ATP8A2: variants seen among roughly 807,000 people sequenced by gnomAD.
The protein encoded by ATP8A2 is ATPase phospholipid transporting 8A2.
Under a neutral mutation model 165.6 loss-of-function variants are expected in ATP8A2, and 100 were observed. That is an observed-to-expected ratio of 0.60 (90% CI 0.51 to 0.71). ATP8A2 has a LOEUF of 0.71. ATP8A2 is among the 30% of genes least tolerant of loss of function. The probability of loss-of-function intolerance (pLI) is 0.00; values close to 1 mark genes in which losing one functional copy is unlikely to be tolerated. For missense variants in ATP8A2, 1,227 were observed against 1,479.5 expected (o/e 0.83, Z 2.80); for synonymous variants, 543 against 548.8 (o/e 0.99, Z 0.15).
intron 1 of ATP8A2, among the ~76,000 whole-genome samples, chr13:25,451,369 G>C (rs578093692): frequency 2.0e-5 from 3 of 152,080 alleles, no homozygotes; most frequent in Admixed American, 2.0e-4. Flanking sequence ...AAGAGAGTGC[G>C]ATCCTAGCAC....
chr13:25,447,164 T>C (rs2035091742), intron 1 of ATP8A2, among the ~76,000 whole-genome samples: 1 of 152,210 alleles, frequency 6.6e-6, no homozygotes, highest in East Asian at 1.9e-4. Context: ...CTCAGTAAAA[T>C]AGCAGAGATA....
chr13:25,587,837 T>C (rs931973529), intron 23 of ATP8A2, among the ~76,000 whole-genome samples: 3 of 152,228 alleles, frequency 2.0e-5, no homozygotes, highest in African/African-American at 7.2e-5. Context: ...TTGATTATTC[T>C]AGTCCTACCA....
chr13:26,006,939 A>T (rs1288364211), intron 35 of ATP8A2, among the ~76,000 whole-genome samples: 2 of 151,654 alleles, frequency 1.3e-5, no homozygotes, highest in African/African-American at 4.8e-5. Context: ...TTTAGTATTC[A>T]TATACTGAAT....
chr13:25,485,538 TG>T (rs2036325230), intron 2 of ATP8A2, among the ~76,000 whole-genome samples: 1 of 152,260 alleles, frequency 6.6e-6, no homozygotes, highest in African/African-American at 2.4e-5. Context: ...TCTGTCTTCC[TG>T]GGGGACACAC....
chr13:25,638,893 C>A (rs965098325), intron 24 of ATP8A2, among the ~76,000 whole-genome samples: 3 of 152,178 alleles, frequency 2.0e-5, no homozygotes, highest in Admixed American at 2.0e-4. Flanking sequence ...ACCCATCAGA[C>A]TAACAGCGGA....
At chr13:25,531,036 A>G (rs2038014980) in intron 4 of ATP8A2, among the ~76,000 whole-genome samples, 1 of 151,580 alleles carries the variant, frequency 6.6e-6, no homozygotes, top group Non-Finnish European at 1.5e-5. Flanking sequence ...TTCTCCCCTC[A>G]CAATCATCCT....
At chr13:25,862,451 C>T in intron 33 of ATP8A2, 43 bp downstream of exon 33, 1 of 1,475,786 alleles carries the variant, frequency 6.8e-7, no homozygotes, top group Non-Finnish European at 9.5e-7. Context: ...TGTCTTGTGA[C>T]AGCAATGTTT....
chr13:25,922,419 CTTCAGATCCTGATGT>C (rs1954485981), intron 33 of ATP8A2, among the ~76,000 whole-genome samples: 1 of 152,180 alleles, frequency 6.6e-6, no homozygotes, highest in Admixed American at 6.5e-5. Flanking sequence ...ACGATGAAAT[CTTCAGATCCTGATGT>C]TTCAGTGAAC....
chr13:25,892,077 C>G (rs1593513979), intron 33 of ATP8A2, among the ~76,000 whole-genome samples: 1 of 151,694 alleles, frequency 6.6e-6, no homozygotes, highest in African/African-American at 2.4e-5. Context: ...AGCTCCACCT[C>G]CCATTCTCCT....
At chr13:25,402,558 A>G (rs923746375) in intron 1 of ATP8A2, among the ~76,000 whole-genome samples, 2 of 152,202 alleles carry the variant, frequency 1.3e-5, no homozygotes, top group Non-Finnish European at 1.5e-5. Flanking sequence ...TATTGGTTCA[A>G]TCTAATTCTT....
chr13:25,559,301 G>A (rs2039073491), intron 14 of ATP8A2, among the ~76,000 whole-genome samples: 1 of 152,206 alleles, frequency 6.6e-6, no homozygotes, highest in Middle Eastern at 3.2e-3. Context: ...GGGAGGCCGA[G>A]GCAGGTGGAT....
chr13:25,451,620 A>G (rs530758075), intron 1 of ATP8A2, among the ~76,000 whole-genome samples: 102 of 151,750 alleles, frequency 6.7e-4, no homozygotes, highest in African/African-American at 2.4e-3. Flanking sequence ...TTGATGTGCA[A>G]TTTTTTTTGT....
At chr13:25,938,746 A>G (rs1311526155) in intron 33 of ATP8A2, among the ~76,000 whole-genome samples, 1 of 152,150 alleles carries the variant, frequency 6.6e-6, no homozygotes, top group Non-Finnish European at 1.5e-5. Context: ...CTGTTTCTTG[A>G]CAATTATTAA....
At chr13:25,812,865 G>A (rs890601609) in intron 27 of ATP8A2, among the ~76,000 whole-genome samples, 12 of 152,114 alleles carry the variant, frequency 7.9e-5, no homozygotes, top group Admixed American at 7.2e-4. Context: ...TAAAGAAAAT[G>A]TGGTACATAT....
intron 1 of ATP8A2, among the ~76,000 whole-genome samples, chr13:25,398,684 G>A (rs768569075): frequency 6.6e-6 from 1 of 152,186 alleles, no homozygotes; most frequent in African/African-American, 2.4e-5. Flanking sequence ...ATTTGAATGA[G>A]ACTTAGTCCC....
At chr13:25,853,799 A>G (rs1013800991) in intron 30 of ATP8A2, among the ~76,000 whole-genome samples, 1 of 152,202 alleles carries the variant, frequency 6.6e-6, no homozygotes, top group Admixed American at 6.5e-5. Context: ...AGGAGGGAGA[A>G]GATCTGAGAC....
intron 24 of ATP8A2, among the ~76,000 whole-genome samples, chr13:25,692,375 G>T (rs76724902): frequency 0.05 from 7,600 of 152,212 alleles, 287 homozygotes; most frequent in Non-Finnish European, 0.064. Context: ...TGCAGCAGCT[G>T]CTGCTCCATG....
intron 1 of ATP8A2, among the ~76,000 whole-genome samples, chr13:25,451,137 C>T (rs1478604861): frequency 6.6e-6 from 1 of 152,102 alleles, no homozygotes; most frequent in Non-Finnish European, 1.5e-5. Flanking sequence ...TGCTCTGTTA[C>T]TATTTTTCTT....
chr13:25,661,278 G>T (rs76758648), intron 24 of ATP8A2, among the ~76,000 whole-genome samples: 5,244 of 152,190 alleles, frequency 0.034, 155 homozygotes, highest in East Asian at 0.13. Flanking sequence ...TGCCACTGCC[G>T]AGGCTACCCC....
Sources: gnomAD v4.1 joint callset for allele counts (sites outside exome capture counted in the v4.1 genomes callset) on GRCh38, gnomAD v4.1.1 for gene constraint, MANE v1.5 for transcripts, NCBI Gene and HGNC (gene_info 2026-07-23, HGNC 2026-07-21) for gene names.